Variants in GALNT13 observed in about 807,000 individuals in gnomAD.
GALNT13 encodes UDP-GalNAc:polypeptide N-acetylgalactosaminyltransferase 13.
In GALNT13, 28 loss-of-function variants were observed where a neutral mutation model predicts 64.2. The observed-to-expected ratio is 0.44, with a 90% CI of 0.32 to 0.60. The LOEUF is 0.60. GALNT13 is among the 20% of genes least tolerant of loss of function. The pLI, the probability that GALNT13 is intolerant of heterozygous loss-of-function variation, is 0.05. For synonymous variants in GALNT13, 214 were observed against 224.6 expected, an observed-to-expected ratio of 0.95 and a Z score of 0.42; for missense variants, 577 against 669.8, an observed-to-expected ratio of 0.86 and a Z score of 1.53.
Position 154,214,550 on chromosome 2 carries a change from A to G in GALNT13, c.312-27480A>G, listed in dbSNP as rs78866150. Among the ~76,000 whole-genome samples the G allele has an allele frequency of 6.4e-3, 981 of 152,154 alleles. 11 individuals carry two copies. Among genetic ancestry groups the G allele is most frequent in the African/African-American group, 0.021 (885 of 41,500 alleles). On this transcript the variant is annotated intron_variant, in intron 4 of 12. Transcript: ENST00000392825. The stretch of plus-strand genomic sequence containing the variant: ...ACGTGTTAAGGGTGGGATCAGGTGG[A>G]GATAATTGAATCATGGAGGTGGTTT...
At chr2:153,359,322 G>T in the GALNT13 span, among the ~76,000 whole-genome samples, 2 of 152,090 alleles carry the variant, frequency 1.3e-5, no homozygotes, top group Non-Finnish European at 2.9e-5. Flanking sequence ...CAGTGGATAA[G>T]AACTCTTGTT....
the GALNT13 span, among the ~76,000 whole-genome samples, chr2:153,697,832 C>T: frequency 1.3e-5 from 2 of 152,180 alleles, no homozygotes; most frequent in Non-Finnish European, 2.9e-5. Flanking sequence ...TTAACACTCA[C>T]TTGCATTTGC....
intron 9 of GALNT13, among the ~76,000 whole-genome samples, chr2:154,353,356 T>C (rs1382536823): frequency 6.6e-6 from 1 of 152,190 alleles, no homozygotes; most frequent in African/African-American, 2.4e-5. Context: ...TACATATAGA[T>C]AGTAAAATGG....
At chr2:154,114,258 A>G (rs763363886) in intron 3 of GALNT13, among the ~76,000 whole-genome samples, 27 of 152,078 alleles carry the variant, frequency 1.8e-4, no homozygotes, top group Admixed American at 3.3e-4. Flanking sequence ...TAGGGGGCCA[A>G]TGTGGGGGTT....
chr2:153,799,792 T>C, the GALNT13 span, among the ~76,000 whole-genome samples: 2 of 152,110 alleles, frequency 1.3e-5, no homozygotes, highest in African/African-American at 2.4e-5. Flanking sequence ...TCTTTTTCCT[T>C]AGCCATGGGA....
At chr2:153,397,450 A>C in the GALNT13 span, among the ~76,000 whole-genome samples, 16 of 152,138 alleles carry the variant, frequency 1.1e-4, no homozygotes, top group Non-Finnish European at 2.1e-4. Flanking sequence ...CTGACTTTTC[A>C]TGAAAACCAA....
At chr2:154,067,061 A>G (rs911020132) in intron 3 of GALNT13, among the ~76,000 whole-genome samples, 3 of 152,058 alleles carry the variant, frequency 2.0e-5, no homozygotes, top group African/African-American at 7.2e-5. Context: ...TGTTAATGTA[A>G]TAAGTGTCAA....
chr2:153,642,059 G>T, the GALNT13 span, among the ~76,000 whole-genome samples: 1 of 151,872 alleles, frequency 6.6e-6, no homozygotes, highest in East Asian at 1.9e-4. Flanking sequence ...TTAGGTTACT[G>T]TGTCTAGGGG....
chr2:153,423,200 A>G, the GALNT13 span, among the ~76,000 whole-genome samples: 4 of 151,962 alleles, frequency 2.6e-5, no homozygotes, highest in Non-Finnish European at 5.9e-5. Flanking sequence ...GAATGCAAGC[A>G]TAACAATGTT....
intron 3 of GALNT13, among the ~76,000 whole-genome samples, chr2:154,007,873 A>G (rs567768958): frequency 6.6e-6 from 1 of 151,874 alleles, no homozygotes; most frequent in Admixed American, 6.6e-5. Context: ...TCTATTACCA[A>G]CTATGGCCTA....
chr2:154,282,664 A>G (rs1419131010), intron 8 of GALNT13, among the ~76,000 whole-genome samples: 1 of 152,138 alleles, frequency 6.6e-6, no homozygotes, highest in Admixed American at 6.5e-5. Flanking sequence ...TTCCAATTTT[A>G]AATGTGATGC....
chr2:153,222,332 T>TTG, the GALNT13 span, among the ~76,000 whole-genome samples: 1 of 103,784 alleles, frequency 9.6e-6, no homozygotes, highest in Non-Finnish European at 2.0e-5. Flanking sequence ...GGGGGTGGGG[T>TTG]GGGGGGGGGG....
intron 8 of GALNT13, among the ~76,000 whole-genome samples, chr2:154,296,905 T>A (rs1346042326): frequency 2.0e-5 from 3 of 152,176 alleles, no homozygotes; most frequent in Non-Finnish European, 1.5e-5. Flanking sequence ...ACCTCTCTGA[T>A]GAAGTGATGT....
chr2:153,625,402 T>A, the GALNT13 span, among the ~76,000 whole-genome samples: 1 of 152,076 alleles, frequency 6.6e-6, no homozygotes, highest in African/African-American at 2.4e-5. Flanking sequence ...TTAGCAGAAG[T>A]AACAAAAGCC....
the GALNT13 span, among the ~76,000 whole-genome samples, chr2:153,133,158 C>G: frequency 2.0e-5 from 3 of 151,564 alleles, no homozygotes; most frequent in African/African-American, 7.3e-5. Flanking sequence ...CAGTACCAGA[C>G]TCAAAGCTCC....
intron 11 of GALNT13, chr2:154,437,736 T>C (rs1574306602): frequency 5.2e-6 from 2 of 381,556 alleles, no homozygotes; most frequent in South Asian, 1.9e-5. Context: ...ATGCCTGTAG[T>C]CCCAGCCACT....
At chr2:154,269,925 T>TATTTATATATA (rs1421612508) in intron 8 of GALNT13, among the ~76,000 whole-genome samples, 8 of 139,238 alleles carry the variant, frequency 5.7e-5, no homozygotes, top group African/African-American at 8.0e-5. Context: ...TATATATATA[T>TATTTATATATA]TTCTAAAGCA....
intron 9 of GALNT13, among the ~76,000 whole-genome samples, chr2:154,312,999 G>A (rs968277724): frequency 6.6e-6 from 1 of 151,696 alleles, no homozygotes; most frequent in African/African-American, 2.4e-5. Context: ...ATAAGCAGAC[G>A]GTATAAATAT....
At chr2:153,135,497 A>C in the GALNT13 span, among the ~76,000 whole-genome samples, 1 of 152,156 alleles carries the variant, frequency 6.6e-6, no homozygotes, top group East Asian at 1.9e-4. Context: ...TAAATTTTCT[A>C]CAGTATGGCT....
Sources: allele counts gnomAD v4.1 joint callset (sites outside exome capture counted in the v4.1 genomes callset), GRCh38; gene constraint gnomAD v4.1.1; transcripts MANE v1.5; gene names NCBI Gene and HGNC (gene_info 2026-07-23, HGNC 2026-07-21).